SDHC: variants seen among roughly 807,000 people sequenced by gnomAD.
SDHC encodes succinate dehydrogenase complex subunit C.
SDHC carries 11 observed loss-of-function variants against 22.6 expected under a neutral mutation model. The ratio of observed to expected loss-of-function variants is 0.49; its 90% confidence interval spans 0.31 to 0.81. SDHC has a LOEUF of 0.81. SDHC is among the 30% of genes least tolerant of loss of function. SDHC has a pLI of 0.05. For synonymous variants in SDHC, 80 were observed against 77.8 expected (o/e 1.03, Z -0.15); for missense variants, 160 against 212.0 (o/e 0.75, Z 1.52).
At chr1:161,362,219 C>G in intron 5 of SDHC, 110 bp from the exon 6 acceptor site, 1 of 1,331,830 alleles carries the variant, frequency 7.5e-7, no homozygotes, top group Non-Finnish European at 1.1e-6. Flanking sequence ...TCTCTAGAAT[C>G]ATGCTGAGAG....
intron 1 of SDHC, among the ~76,000 whole-genome samples, chr1:161,319,170 G>A (rs955286998): frequency 5.3e-5 from 8 of 151,908 alleles, no homozygotes; most frequent in African/African-American, 1.9e-4. Context: ...GCTGTGAGCT[G>A]AGATCGTGCC....
intron 3 of SDHC, among the ~76,000 whole-genome samples, chr1:161,338,120 C>T (rs557341734): frequency 1.1e-4 from 17 of 152,260 alleles, no homozygotes; most frequent in Admixed American, 9.2e-4. Context: ...ATTATGCTAT[C>T]GTTCTCTGTC....
At chr1:161,355,799 C>T (rs1394736748) in intron 4 of SDHC, among the ~76,000 whole-genome samples, 1 of 151,986 alleles carries the variant, frequency 6.6e-6, no homozygotes. Context: ...GCCTGGCCAA[C>T]ATGGCAAAAC....
intron 1 of SDHC, among the ~76,000 whole-genome samples, chr1:161,317,100 C>T (rs1379951073): frequency 5.3e-5 from 8 of 150,652 alleles, no homozygotes; most frequent in Non-Finnish European, 1.2e-4. Flanking sequence ...CTCACTGCAA[C>T]CGCCCCTGCC....
intron 4 of SDHC, among the ~76,000 whole-genome samples, chr1:161,351,296 C>G (rs563513889): frequency 6.6e-6 from 1 of 152,268 alleles, no homozygotes; most frequent in East Asian, 1.9e-4. Flanking sequence ...TTTTGACAAG[C>G]CTGAAGGTAG....
At chr1:161,347,771 C>G (rs1438850157) in intron 4 of SDHC, among the ~76,000 whole-genome samples, 2 of 151,950 alleles carry the variant, frequency 1.3e-5, no homozygotes, top group Admixed American at 1.3e-4. Context: ...GAGGCTGAGG[C>G]AGGAGAATTG....
At chr1:161,345,957 TA>T (rs1404420784) in intron 4 of SDHC, among the ~76,000 whole-genome samples, 1 of 151,558 alleles carries the variant, frequency 6.6e-6, no homozygotes, top group Non-Finnish European at 1.5e-5. Context: ...AGGCACCCAC[TA>T]CCATGCACGG....
At chr1:161,330,517 C>A (rs1386945005) in intron 3 of SDHC, among the ~76,000 whole-genome samples, 1 of 152,182 alleles carries the variant, frequency 6.6e-6, no homozygotes, top group Non-Finnish European at 1.5e-5. Context: ...ATTGGCTTTG[C>A]CCTCTGGGCT....
At chr1:161,327,545 G>T (rs972266212) in intron 2 of SDHC, among the ~76,000 whole-genome samples, 4 of 152,066 alleles carry the variant, frequency 2.6e-5, no homozygotes, top group African/African-American at 7.2e-5. Flanking sequence ...CTAGTTTTAA[G>T]ATGGAGTTTA....
chr1:161,329,664 G>A (rs891573575), intron 3 of SDHC, among the ~76,000 whole-genome samples: 13 of 152,198 alleles, frequency 8.5e-5, no homozygotes, highest in African/African-American at 2.9e-4. Flanking sequence ...ACTATAACAA[G>A]TATCACAAAC....
intron 4 of SDHC, among the ~76,000 whole-genome samples, chr1:161,348,047 ATTTAT>A (rs915918884): frequency 6.6e-6 from 1 of 152,140 alleles, no homozygotes; most frequent in Non-Finnish European, 1.5e-5. Flanking sequence ...AAAATAAGTT[ATTTAT>A]TTTAACTATA....
chr1:161,345,369 A>C (rs1036620099), intron 4 of SDHC, among the ~76,000 whole-genome samples: 8 of 152,160 alleles, frequency 5.3e-5, no homozygotes, highest in Non-Finnish European at 1.2e-4. Flanking sequence ...GCTTCCTTAC[A>C]TCTGTTTTAC....
intron 3 of SDHC, among the ~76,000 whole-genome samples, chr1:161,333,465 C>T (rs747734583): frequency 4.0e-5 from 6 of 148,526 alleles, no homozygotes; most frequent in Non-Finnish European, 5.9e-5. Context: ...AGTGCAGTGG[C>T]GCAGTCTCAG....
rs191130582 is a variant in SDHC at position 161,353,603 on chromosome 1, A to G, written c.242-3074A>G. Among the ~76,000 whole-genome samples, 522 of 152,276 alleles carry G rather than the reference A, an allele frequency of 3.4e-3. 5 individuals are homozygous for G. The highest frequency in any genetic ancestry group is 0.012 in the African/African-American group (489 of 41,548). ...TCATGGTGCTCCTAAGTCAAGGTAAATACCTAACACTTTTGTTTTATTAGT... is the reference window on the plus strand; with the variant it reads ...TCATGGTGCTCCTAAGTCAAGGTAAGTACCTAACACTTTTGTTTTATTAGT... On this transcript the variant is annotated intron_variant, in intron 4 of 5. Coordinates refer to ENST00000367975, the MANE Select transcript of SDHC (RefSeq NM_003001.5).
At chr1:161,345,119 A>C (rs752686649) in intron 4 of SDHC, among the ~76,000 whole-genome samples, 1 of 152,038 alleles carries the variant, frequency 6.6e-6, no homozygotes, top group Non-Finnish European at 1.5e-5. Context: ...CTCTTCCCTA[A>C]CTCATTCCTG....
rs773661299 is a variant in SDHC, at chr1:161,314,433, C to A, written c.20+8C>A. On this transcript the variant is annotated splice_region_variant and intron_variant, in intron 1 of 5. Coordinates refer to ENST00000367975, the MANE Select transcript of SDHC (RefSeq NM_003001.5). ...GGCTGCGCTGTTGCTGAGGTGACTT[C>A]AGTGGGACTGGGAGTTGGTGCCTGC... 3 of 1,609,504 alleles carry A rather than the reference C, an allele frequency of 1.9e-6. No homozygotes were observed. Among genetic ancestry groups the A allele is most frequent in the African/African-American group, 2.8e-5 (2 of 72,360 alleles).
In SDHC at chr1:161,328,380, T is replaced by G; in HGVS notation, c.78-16T>G. The G allele has an allele frequency of 6.4e-7, 1 of 1,572,666 alleles. No individual in the cohort carries two copies. The highest frequency in any genetic ancestry group is 8.7e-7 in the Non-Finnish European group (1 of 1,142,878). On this transcript the variant is annotated splice_polypyrimidine_tract_variant and intron_variant, in intron 2 of 5. Coordinates refer to ENST00000367975, the MANE Select transcript of SDHC (RefSeq NM_003001.5). ...TTTACTTTTAGTTATTTTCAAACGG[T>G]CTGGTTTTATTTTAGTGCTGTTCCT...
intron 1 of SDHC, among the ~76,000 whole-genome samples, chr1:161,321,760 A>G (rs1330753133): frequency 6.6e-6 from 1 of 152,142 alleles, no homozygotes; most frequent in Non-Finnish European, 1.5e-5. Context: ...TCTAATATCA[A>G]TGGTGTGAGG....
At chr1:161,327,744 A>T (rs1671114672) in intron 2 of SDHC, among the ~76,000 whole-genome samples, 1 of 151,452 alleles carries the variant, frequency 6.6e-6, no homozygotes, top group Non-Finnish European at 1.5e-5. Context: ...TTCTATTTTT[A>T]GTAGAGATGG....
Sources: allele counts gnomAD v4.1 joint callset (sites outside exome capture counted in the v4.1 genomes callset), GRCh38; gene constraint gnomAD v4.1.1; transcripts MANE v1.5; gene names NCBI Gene and HGNC (gene_info 2026-07-23, HGNC 2026-07-21).